SORCS1: variants seen among roughly 807,000 people sequenced by gnomAD.
SORCS1 encodes the protein sortilin related VPS10 domain containing receptor 1.
SORCS1 carries 60 observed loss-of-function variants against 146.1 expected under a neutral mutation model. That is an observed-to-expected ratio of 0.41 (90% CI 0.33 to 0.51). The LOEUF (loss-of-function observed/expected upper bound fraction) is 0.51. SORCS1 is among the 20% of genes least tolerant of loss of function. The probability of loss-of-function intolerance (pLI) is 0.21; values close to 1 mark genes in which losing one functional copy is unlikely to be tolerated. For synonymous variants in SORCS1, 637 were observed against 584.0 expected (o/e 1.09, Z -1.31); for missense variants, 1,352 against 1,487.6 (o/e 0.91, Z 1.50).
At chr10:106,916,521 T>G (rs1952434299) in intron 2 of SORCS1, among the ~76,000 whole-genome samples, 1 of 148,090 alleles carries the variant, frequency 6.8e-6, no homozygotes, top group Non-Finnish European at 1.5e-5. Flanking sequence ...TTATGTATTA[T>G]ATATAATTAT....
intron 1 of SORCS1, among the ~76,000 whole-genome samples, chr10:107,048,246 G>C (rs952758545): frequency 2.6e-5 from 4 of 152,186 alleles, no homozygotes; most frequent in African/African-American, 9.7e-5. Context: ...CAGACTGAAA[G>C]TAAGTGCATT....
chr10:106,973,820 C>A (rs751949797), intron 1 of SORCS1, among the ~76,000 whole-genome samples: 1 of 152,172 alleles, frequency 6.6e-6, no homozygotes, highest in South Asian at 2.1e-4. Flanking sequence ...TTGTTTTAAA[C>A]AAATCACTTC....
rs145988106 is a variant in SORCS1 at position 107,158,779 on chromosome 10, G to A, written c.558+5190C>T. Among the ~76,000 whole-genome samples, 689 of 152,174 alleles carry A rather than the reference G, an allele frequency of 4.5e-3. 5 individuals are homozygous for A. Among genetic ancestry groups the A allele is most frequent in the African/African-American group, 0.016 (665 of 41,510 alleles). On this transcript the variant is annotated intron_variant, in intron 1 of 25. Coordinates refer to ENST00000263054, the MANE Select transcript of SORCS1 (RefSeq NM_052918.5). The stretch of plus-strand genomic sequence containing the variant: ...ACACAATAATTTGCGTAAGGCTCTT[G>A]GCATAATTTTGGCACATAGCAATTA...
chr10:107,162,785 T>G (rs1969802990), intron 1 of SORCS1, among the ~76,000 whole-genome samples: 1 of 152,238 alleles, frequency 6.6e-6, no homozygotes, highest in Non-Finnish European at 1.5e-5. Context: ...TTTCTGGGAA[T>G]TACATCACAA....
At chr10:106,749,130 T>C (rs1474246697) in intron 5 of SORCS1, among the ~76,000 whole-genome samples, 22 of 152,242 alleles carry the variant, frequency 1.4e-4, no homozygotes, top group Admixed American at 1.4e-3. Flanking sequence ...CTGCCTGAAC[T>C]ATATTTCTCA....
At chr10:107,017,561 G>C (rs539509120) in intron 1 of SORCS1, among the ~76,000 whole-genome samples, 22 of 152,272 alleles carry the variant, frequency 1.4e-4, no homozygotes, top group Admixed American at 7.8e-4. Context: ...TGACATTTGA[G>C]GAAACAACAA....
At chr10:107,157,613 T>C (rs907186639) in intron 1 of SORCS1, among the ~76,000 whole-genome samples, 1 of 152,242 alleles carries the variant, frequency 6.6e-6, no homozygotes, top group African/African-American at 2.4e-5. Flanking sequence ...ATCTTTCATA[T>C]GTGTGTAAAA....
intron 14 of SORCS1, among the ~76,000 whole-genome samples, chr10:106,673,420 G>A (rs996343720): frequency 9.2e-5 from 14 of 152,200 alleles, no homozygotes; most frequent in South Asian, 2.1e-4. Context: ...GTGAGCCACC[G>A]CACTTGGCCG....
rs71025575 is a variant in SORCS1 at position 107,044,814 on chromosome 10, T to TAA, written c.559-88236_559-88235dup. Among the ~76,000 whole-genome samples, 128 of 90,260 alleles carry TAA rather than the reference T, an allele frequency of 1.4e-3. 1 individual carries two copies. The highest frequency in any genetic ancestry group is 3.1e-3 in the African/African-American group (75 of 24,352). 59.2% of individuals were successfully genotyped at this position (90,260 alleles called of 152,430 possible). ...GAGACAGAGTGAGATTGTGTCTCAATAAAAAAAAAAAAAAAAAAAAAAGTG... is the reference window on the plus strand; with the variant it reads ...GAGACAGAGTGAGATTGTGTCTCAATAAAAAAAAAAAAAAAAAAAAAAAAGTG... On this transcript the variant is annotated intron_variant, in intron 1 of 25. Coordinates refer to ENST00000263054, the MANE Select transcript of SORCS1 (RefSeq NM_052918.5).
At chr10:106,872,380 G>T (rs1950444829) in intron 2 of SORCS1, among the ~76,000 whole-genome samples, 1 of 152,230 alleles carries the variant, frequency 6.6e-6, no homozygotes, top group African/African-American at 2.4e-5. Flanking sequence ...GGCAAAGTCT[G>T]TAGCTGAGGA....
intron 2 of SORCS1, among the ~76,000 whole-genome samples, chr10:106,878,170 T>C (rs1473738829): frequency 1.3e-5 from 2 of 151,344 alleles, no homozygotes; most frequent in African/African-American, 4.9e-5. Context: ...CAGGGCTTTT[T>C]TTTTTTTTTT....
intron 6 of SORCS1, among the ~76,000 whole-genome samples, chr10:106,726,825 G>A (rs1033387909): frequency 6.6e-6 from 1 of 151,966 alleles, no homozygotes; most frequent in African/African-American, 2.4e-5. Context: ...GGTGGCTCAC[G>A]CCTATAATCC....
chr10:106,748,147 A>G (rs1857882052), intron 5 of SORCS1, among the ~76,000 whole-genome samples: 1 of 151,888 alleles, frequency 6.6e-6, no homozygotes, highest in Admixed American at 6.6e-5. Flanking sequence ...ATAGATACTG[A>G]GTTTTTTTGT....
chr10:106,781,103 T>G (rs1860860148), intron 3 of SORCS1, among the ~76,000 whole-genome samples: 1 of 152,130 alleles, frequency 6.6e-6, no homozygotes, highest in Non-Finnish European at 1.5e-5. Context: ...TACAAAAGGT[T>G]GGCAGGCAGC....
intron 1 of SORCS1, among the ~76,000 whole-genome samples, chr10:107,100,237 G>T (rs991332378): frequency 6.6e-6 from 1 of 152,024 alleles, no homozygotes; most frequent in African/African-American, 2.4e-5. Flanking sequence ...AAATAGGCCG[G>T]GTGCGGTGGC....
At chr10:106,630,172 T>C (rs933919982) in intron 18 of SORCS1, among the ~76,000 whole-genome samples, 4 of 152,330 alleles carry the variant, frequency 2.6e-5, no homozygotes, top group Middle Eastern at 3.4e-3. Context: ...TTATTTCTTG[T>C]TCCCTAATTG....
At chr10:106,975,899 G>C (rs1451525166) in intron 1 of SORCS1, among the ~76,000 whole-genome samples, 1 of 152,124 alleles carries the variant, frequency 6.6e-6, no homozygotes, top group East Asian at 1.9e-4. Context: ...TGTAATCCCA[G>C]CACTTTGGGA....
chr10:106,607,828 A>G (rs897174651), intron 22 of SORCS1, among the ~76,000 whole-genome samples: 9 of 151,998 alleles, frequency 5.9e-5, no homozygotes, highest in Admixed American at 5.2e-4. Context: ...GACCCACCAC[A>G]TCCTAACCAC....
intron 1 of SORCS1, among the ~76,000 whole-genome samples, chr10:107,123,965 T>C (rs1478986227): frequency 6.7e-6 from 1 of 150,128 alleles, no homozygotes; most frequent in Non-Finnish European, 1.5e-5. Flanking sequence ...CGGGTACCTG[T>C]AGTCCCAGCT....
Sources: gnomAD v4.1 joint callset for allele counts (sites outside exome capture counted in the v4.1 genomes callset) on GRCh38, gnomAD v4.1.1 for gene constraint, MANE v1.5 for transcripts, NCBI Gene and HGNC (gene_info 2026-07-23, HGNC 2026-07-21) for gene names.